Variants in VPS35L observed in about 807,000 individuals in gnomAD.
VPS35L encodes VPS35 endosomal protein-sorting factor-like.
In VPS35L, 83 loss-of-function variants were observed where a neutral mutation model predicts 133.0. That is an observed-to-expected ratio of 0.62 (90% CI 0.52 to 0.75). The LOEUF (loss-of-function observed/expected upper bound fraction) is 0.75, where lower values mean the gene tolerates loss of function less well. Among genes scored for constraint, VPS35L ranks in the 30% least tolerant of loss-of-function variants. The pLI, the probability that VPS35L is intolerant of heterozygous loss-of-function variation, is 0.00. For synonymous variants in VPS35L, 423 were observed against 449.9 expected (o/e 0.94, Z 0.76); for missense variants, 1,083 against 1,206.8 (o/e 0.90, Z 1.52).
chr16:19,560,471 A>T (rs557147940), intron 1 of VPS35L, among the ~76,000 whole-genome samples: 56 of 152,286 alleles, frequency 3.7e-4, no homozygotes, highest in Middle Eastern at 6.8e-3. Flanking sequence ...GCCTTTCAAC[A>T]TTCTACTTTT....
At chr16:19,641,173 T>G (rs961673308) in intron 21 of VPS35L, among the ~76,000 whole-genome samples, 13 of 152,178 alleles carry the variant, frequency 8.5e-5, no homozygotes, top group Non-Finnish European at 1.9e-4. Flanking sequence ...CAAGCAATTC[T>G]CCTGCCTCAG....
rs569772364 is a variant in VPS35L at position 19,637,871 on chromosome 16, TTC to T, written c.1698+217_1698+218del. Among the ~76,000 whole-genome samples the T allele has an allele frequency of 1.3e-3, 195 of 152,326 alleles. 1 individual carries two copies. The highest frequency in any genetic ancestry group is 2.3e-3 in the Non-Finnish European group (156 of 68,024). ...ACAAAAACTGAAAGAAAAATATTAT[TTC>T]TGTTTCATTCCTTACTTATGGGATA... is the stretch of plus-strand genomic sequence containing the variant. On this transcript the variant is annotated intron_variant, in intron 20 of 30. Transcript: ENST00000417362.
rs1023107166 is a variant in VPS35L at position 19,639,042 on chromosome 16, C to T, written c.1699-973C>T. ...TGAACCGAGATTGCACCAGGGCACT[C>T]GAGCCTAGACAACAGAGCGAAACTC... On this transcript the variant is annotated intron_variant, in intron 20 of 30. Coordinates refer to ENST00000417362, the MANE Select transcript of VPS35L (RefSeq NM_020314.7). This position sits in a 1 kb window ranked among gnomAD's most constrained non-coding sequence, Gnocchi z 4.1. Among the ~76,000 whole-genome samples the T allele has an allele frequency of 1.3e-5, 2 of 151,958 alleles. No homozygotes were observed. Among genetic ancestry groups the T allele is most frequent in the African/African-American group, 4.8e-5 (2 of 41,318 alleles).
At chr16:19,649,945 C>T (rs201921068) in intron 24 of VPS35L, among the ~76,000 whole-genome samples, 2 of 152,154 alleles carry the variant, frequency 1.3e-5, no homozygotes, top group African/African-American at 4.8e-5. Flanking sequence ...GATGTGGCTA[C>T]TATCATTATT....
At chr16:19,562,084 CTT>C (rs1412614088) in intron 1 of VPS35L, among the ~76,000 whole-genome samples, 2 of 151,948 alleles carry the variant, frequency 1.3e-5, no homozygotes, top group Non-Finnish European at 2.9e-5. Context: ...CAGTGAGACT[CTT>C]ATGTCAAACA....
At chr16:19,654,346 T>G (rs1031951713) in intron 26 of VPS35L, among the ~76,000 whole-genome samples, 1 of 138,318 alleles carries the variant, frequency 7.2e-6, no homozygotes, top group East Asian at 1.9e-4. Flanking sequence ...CTCTCCCCAC[T>G]AGGACAGGCA....
chr16:19,609,033 C>G lies in VPS35L; in HGVS notation c.929+12C>G. 1.2e-6 allele frequency: 2 copies of G among 1,611,462 alleles called. No homozygotes were observed. Among genetic ancestry groups the G allele is most frequent in the Non-Finnish European group, 1.7e-6 (2 of 1,177,796 alleles). On this transcript the variant is annotated intron_variant, in intron 11 of 30. Coordinates refer to ENST00000417362, the MANE Select transcript of VPS35L (RefSeq NM_020314.7). ...TTCCTCTCCAAAACGTAAGGCTCTTCGGTAAAATCTAGAACCATAAAATTT... is the reference window on the plus strand; with the variant it reads ...TTCCTCTCCAAAACGTAAGGCTCTTGGGTAAAATCTAGAACCATAAAATTT...
Position 19,682,246 on chromosome 16 carries a change from C to T in VPS35L, c.2383C>T (p.Leu795=), listed in dbSNP as rs1209163107. ...IVPDHPEHGV[L]FLVRELLNVI... ...CTAGGATCATCCTGAACATGGGGTC[C>T]TGTTTCTTGTTCGAGAGCTTCTCAA... Residue 795 remains leucine (L), a synonymous_variant, in exon 28 of 31, where the codon CTG becomes TTG. Coordinates refer to ENST00000417362, the MANE Select transcript of VPS35L (RefSeq NM_020314.7). The T allele has an allele frequency of 2.5e-6, 4 of 1,613,996 alleles. No homozygotes were observed. The South Asian group carries it at 4.4e-5, about 18-fold the overall frequency.
At chr16:19,612,866 G>T (rs1274702346) in intron 12 of VPS35L, among the ~76,000 whole-genome samples, 1 of 152,182 alleles carries the variant, frequency 6.6e-6, no homozygotes, top group Non-Finnish European at 1.5e-5. Flanking sequence ...GTGACAATGA[G>T]GAGAAGATGC....
intron 1 of VPS35L, among the ~76,000 whole-genome samples, chr16:19,558,162 A>G (rs907282701): frequency 6.6e-6 from 1 of 152,250 alleles, no homozygotes; most frequent in Non-Finnish European, 1.5e-5. Context: ...TTATGAATGA[A>G]TGAGGAAACT....
At chr16:19,681,996 A>G (rs765165629) in intron 27 of VPS35L, among the ~76,000 whole-genome samples, 16 of 152,104 alleles carry the variant, frequency 1.1e-4, no homozygotes, top group Admixed American at 1.3e-4. Flanking sequence ...GGGATTCTCA[A>G]AGCTCGTTTG....
intron 9 of VPS35L, among the ~76,000 whole-genome samples, chr16:19,604,253 G>A (rs1239385843): frequency 6.6e-6 from 1 of 151,566 alleles, no homozygotes; most frequent in Non-Finnish European, 1.5e-5. Flanking sequence ...GCCCCCAGAA[G>A]CATTTGAATT....
intron 8 of VPS35L, chr16:19,601,459 C>T: frequency 1.8e-6 from 1 of 544,264 alleles, no homozygotes; most frequent in South Asian, 2.3e-5. Context: ...TTCTGCCTTT[C>T]AAAGAAAGTA....
rs1172721802 is a variant in VPS35L, at chr16:19,700,479, C to T, written c.*3C>T. The T allele has an allele frequency of 1.2e-6, 2 of 1,612,930 alleles. No individual in the cohort carries two copies. The highest frequency in any genetic ancestry group is 1.7e-6 in the Non-Finnish European group (2 of 1,178,992). ...TCCCTCTGCAAACAAGGACCTGACC[C>T]CCGGGCCCATCCCCAGGCTCAGGGA... On this transcript the variant is annotated 3_prime_UTR_variant, in exon 31 of 31. Coordinates refer to ENST00000417362, the MANE Select transcript of VPS35L (RefSeq NM_020314.7).
At position 19,639,447 on chromosome 16, in the gene VPS35L, G is replaced by A. The variant is rs1046138398; in HGVS notation, c.1699-568G>A. Among the ~76,000 whole-genome samples, 1 of 152,190 alleles carries A rather than the reference G, an allele frequency of 6.6e-6. No individual in the cohort carries two copies. The highest frequency in any genetic ancestry group is 2.4e-5 in the African/African-American group (1 of 41,434). On this transcript the variant is annotated intron_variant, in intron 20 of 30. Transcript: ENST00000417362. This position sits in a 1 kb window ranked among gnomAD's most constrained non-coding sequence, Gnocchi z 4.1. ...GTGGTCATCAAAGGTTGCCTGGATG[G>A]CTCACCAAAATGTTAACTGGTCCCA...
intron 4 of VPS35L, among the ~76,000 whole-genome samples, chr16:19,573,643 A>G (rs1971449316): frequency 6.6e-6 from 1 of 152,214 alleles, no homozygotes. Context: ...ACATAGTGAA[A>G]CCCCATCTCT....
rs758852310 is a variant in VPS35L at position 19,689,616 on chromosome 16, G to C, written c.2528-1737G>C. Among the ~76,000 whole-genome samples the C allele has an allele frequency of 3.3e-5, 5 of 152,002 alleles. No individual in the cohort carries two copies. The South Asian group carries it at 6.2e-4, about 19-fold the overall frequency. ...TTTCAGTTACCCCACAGTCAACCTG[G>C]TCCAAAAATATTAAGTGGAAAATCT... On this transcript the variant is annotated intron_variant, in intron 28 of 30. Coordinates refer to ENST00000417362, the MANE Select transcript of VPS35L (RefSeq NM_020314.7).
chr16:19,634,909 G>A (rs1171873553), intron 19 of VPS35L, among the ~76,000 whole-genome samples: 1 of 152,168 alleles, frequency 6.6e-6, no homozygotes, highest in East Asian at 1.9e-4. Flanking sequence ...TCACCAATGA[G>A]GAGCAAAAGG....
At chr16:19,690,092 A>G (rs1311764893) in intron 28 of VPS35L, among the ~76,000 whole-genome samples, 3 of 151,808 alleles carry the variant, frequency 2.0e-5, no homozygotes, top group African/African-American at 7.3e-5. Context: ...TTATTTGGAG[A>G]GATGGGGTTT....
Sources: allele counts gnomAD v4.1 joint callset (sites outside exome capture counted in the v4.1 genomes callset), GRCh38; gene constraint gnomAD v4.1.1; non-coding constraint Gnocchi (gnomAD v3.1); transcripts MANE v1.5; gene names NCBI Gene and HGNC (gene_info 2026-07-23, HGNC 2026-07-21).